MAP3K7CL: variants seen among roughly 807,000 people sequenced by gnomAD.
The protein encoded by MAP3K7CL is MAP3K7 C-terminal like.
MAP3K7CL carries 16 observed loss-of-function variants against 18.6 expected under a neutral mutation model. The observed-to-expected ratio is 0.86, with a 90% CI of 0.58 to 1.31. The LOEUF (loss-of-function observed/expected upper bound fraction) is 1.31, where lower values mean the gene tolerates loss of function less well. Among genes scored for constraint, MAP3K7CL ranks in the 50% most tolerant of loss-of-function variants. The pLI is 0.00. For missense variants in MAP3K7CL, 163 were observed against 174.4 expected, an observed-to-expected ratio of 0.93 and a Z score of 0.37; for synonymous variants, 65 against 66.8, an observed-to-expected ratio of 0.97 and a Z score of 0.13.
At chr21:29,126,145 G>C (rs913409380), upstream of MAP3K7CL, among the ~76,000 whole-genome samples, 3 of 152,322 alleles carry the variant, frequency 2.0e-5, no homozygotes, top group African/African-American at 2.4e-5. Flanking sequence ...GGCACTGTGG[G>C]GGGAGCTGTG....
chr21:29,124,435 A>G (rs1237165064), intron 4 of MAP3K7CL, among the ~76,000 whole-genome samples: 1 of 151,944 alleles, frequency 6.6e-6, no homozygotes, highest in Non-Finnish European at 1.5e-5. Context: ...GTATAAAACC[A>G]TTTAAGTTTT....
At chr21:29,113,169 T>C (rs1386087760) in intron 4 of MAP3K7CL, among the ~76,000 whole-genome samples, 1 of 152,208 alleles carries the variant, frequency 6.6e-6, no homozygotes, top group Non-Finnish European at 1.5e-5. Context: ...AACTGGCAGG[T>C]GGTTTGGATA....
chr21:29,114,055 A>G (rs529275082), intron 4 of MAP3K7CL, among the ~76,000 whole-genome samples: 2 of 152,046 alleles, frequency 1.3e-5, no homozygotes, highest in African/African-American at 4.8e-5. Flanking sequence ...ATTCTAATTA[A>G]TTAAATTAAA....
chr21:29,098,256 C>T (rs749724828), intron 4 of MAP3K7CL, among the ~76,000 whole-genome samples: 53 of 152,262 alleles, frequency 3.5e-4, no homozygotes, highest in Non-Finnish European at 5.7e-4. Context: ...TTTTTCTCTC[C>T]GTGTGCTCCA....
At chr21:29,132,833 T>A (rs2086805288) in intron 1 of MAP3K7CL, among the ~76,000 whole-genome samples, 1 of 152,144 alleles carries the variant, frequency 6.6e-6, no homozygotes, top group African/African-American at 2.4e-5. Context: ...TTTAAATGAT[T>A]CCATGAAACC....
intron 2 of MAP3K7CL, among the ~76,000 whole-genome samples, chr21:29,139,001 A>G (rs2086944353): frequency 6.6e-6 from 1 of 152,196 alleles, no homozygotes; most frequent in African/African-American, 2.4e-5. Context: ...GAAATTTTTT[A>G]TATCTGGATA....
chr21:29,154,307 A>T (rs978448228), intron 3 of MAP3K7CL, among the ~76,000 whole-genome samples: 1 of 152,228 alleles, frequency 6.6e-6, no homozygotes, highest in African/African-American at 2.4e-5. Context: ...AAATAAAAGC[A>T]TCTGCTTGAA....
At chr21:29,140,977 ATGTTGCT>A (rs1294418802) in intron 2 of MAP3K7CL, among the ~76,000 whole-genome samples, 1 of 152,054 alleles carries the variant, frequency 6.6e-6, no homozygotes, top group Non-Finnish European at 1.5e-5. Flanking sequence ...GCATCTCACT[ATGTTGCT>A]CAGGCTGGGC....
At chr21:29,083,146 A>G (rs879029852), upstream of MAP3K7CL, among the ~76,000 whole-genome samples, 2 of 152,114 alleles carry the variant, frequency 1.3e-5, no homozygotes, top group Admixed American at 1.3e-4. Context: ...GCCTTGGGCA[A>G]TTCCTCAATT....
chr21:29,090,582 T>G (rs1329699855), intron 1 of MAP3K7CL, among the ~76,000 whole-genome samples: 1 of 152,166 alleles, frequency 6.6e-6, no homozygotes, highest in East Asian at 1.9e-4. Context: ...GGTTTCACTG[T>G]GTTAGCCAGG....
chr21:29,144,542 G>A (rs28737309), intron 2 of MAP3K7CL, among the ~76,000 whole-genome samples: 2,851 of 152,278 alleles, frequency 0.019, 92 homozygotes, highest in African/African-American at 0.064. Context: ...GAAGAAGAGC[G>A]GAGTGGTATG....
chr21:29,160,141 G>C, intron 4 of MAP3K7CL, 85 bp downstream of exon 4: 1 of 1,035,684 alleles, frequency 9.7e-7, no homozygotes, highest in Non-Finnish European at 1.4e-6. Flanking sequence ...CAGGCTGAGT[G>C]TGAGGATGAC....
At chr21:29,134,164 T>A (rs1177886622) in intron 2 of MAP3K7CL, among the ~76,000 whole-genome samples, 1 of 148,472 alleles carries the variant, frequency 6.7e-6, no homozygotes, top group Non-Finnish European at 1.5e-5. Flanking sequence ...AAACCTTGGG[T>A]CTTTTGAGGA....
chr21:29,091,754 G>T, exon 3 of MAP3K7CL: 1 of 702,438 alleles, frequency 1.4e-6, no homozygotes, highest in Non-Finnish European at 2.6e-6. Context: ...GAAGTGCTTG[G>T]ATTACAGGTA....
At chr21:29,124,072 A>T (rs974234274) in intron 4 of MAP3K7CL, among the ~76,000 whole-genome samples, 10 of 152,094 alleles carry the variant, frequency 6.6e-5, no homozygotes, top group Non-Finnish European at 1.2e-4. Flanking sequence ...AAAGGAACAC[A>T]GGCCAAGGGT....
At position 29,156,180 on chromosome 21, in the gene MAP3K7CL, T is replaced by C. The variant is rs140762287; in HGVS notation, c.133-3761T>C. On this transcript the variant is annotated intron_variant, in intron 3 of 4. Transcript: ENST00000399928. Reference sequence around the variant, plus strand: ...CCTCCTGATGTGAAAAATAATTAACTATCAACATTAAGAGTTTATTTATCG... The same window carrying C: ...CCTCCTGATGTGAAAAATAATTAACCATCAACATTAAGAGTTTATTTATCG... 5.9e-3 allele frequency among the ~76,000 whole-genome samples: 894 copies of C among 152,350 alleles called. 9 individuals are homozygous for C. The highest frequency in any genetic ancestry group is 0.021 in the African/African-American group (855 of 41,572).
upstream of MAP3K7CL, chr21:29,130,527 A>G (rs1231631842): frequency 1.2e-6 from 1 of 868,174 alleles, no homozygotes; most frequent in African/African-American, 1.8e-5. Flanking sequence ...GTCTGTTTGT[A>G]TTTTAAGTTT....
upstream of MAP3K7CL, among the ~76,000 whole-genome samples, chr21:29,126,596 T>C (rs2086685495): frequency 6.6e-6 from 1 of 152,096 alleles, no homozygotes; most frequent in African/African-American, 2.4e-5. Flanking sequence ...GTAGCTGGGA[T>C]TACAGGCACT....
chr21:29,093,775 G>A lies in MAP3K7CL; in HGVS notation c.370+1194G>A, dbSNP rs563591231. ...CAAAGTGCTGGGATTACAGGCGTGAGCCACCGCGCCCGGCCGAGAAGGACC... is the reference window on the plus strand; with the variant it reads ...CAAAGTGCTGGGATTACAGGCGTGAACCACCGCGCCCGGCCGAGAAGGACC... On this transcript the variant is annotated intron_variant, in intron 4 of 6. Coordinates refer to the MAP3K7CL transcript ENST00000286791. Among the ~76,000 whole-genome samples, 274 of 152,256 alleles carry A rather than the reference G, an allele frequency of 1.8e-3. 2 individuals carry two copies. Among genetic ancestry groups the A allele is most frequent in the Middle Eastern group, 6.8e-3 (2 of 294 alleles).
Sources: allele counts gnomAD v4.1 joint callset (sites outside exome capture counted in the v4.1 genomes callset), GRCh38; gene constraint gnomAD v4.1.1; transcripts MANE v1.5; gene names NCBI Gene and HGNC (gene_info 2026-07-23, HGNC 2026-07-21).